Variants in WDR37 observed in about 807,000 individuals in gnomAD.
The protein encoded by WDR37 is WD repeat-containing protein 37.
A neutral mutation model predicts 62.9 loss-of-function variants in WDR37; 19 were observed. That is an observed-to-expected ratio of 0.30 (90% CI 0.21 to 0.44). The LOEUF (loss-of-function observed/expected upper bound fraction) is 0.44. Among genes scored for constraint, WDR37 ranks in the 20% least tolerant of loss-of-function variants. WDR37 has a pLI of 1.00. For synonymous variants in WDR37, 250 were observed against 260.9 expected, an observed-to-expected ratio of 0.96 and a Z score of 0.40; for missense variants, 474 against 657.6, an observed-to-expected ratio of 0.72 and a Z score of 3.05.
chr10:1,091,864 C>T (rs1834398597), intron 7 of WDR37, among the ~76,000 whole-genome samples: 1 of 152,178 alleles, frequency 6.6e-6, no homozygotes, highest in South Asian at 2.1e-4. Context: ...AGGTGAAGTG[C>T]CAGGGTCTCC....
chr10:1,089,267 C>CTG (rs1239169140), intron 7 of WDR37, among the ~76,000 whole-genome samples: 4 of 152,030 alleles, frequency 2.6e-5, no homozygotes, highest in African/African-American at 9.7e-5. Context: ...GGGATCCAGC[C>CTG]TCAGTTCCTG....
At chr10:1,078,692 A>G (rs1044661378) in intron 3 of WDR37, among the ~76,000 whole-genome samples, 10 of 152,190 alleles carry the variant, frequency 6.6e-5, no homozygotes, top group Non-Finnish European at 8.8e-5. Flanking sequence ...TAAAATTTAT[A>G]TATATAAAGA....
intron 9 of WDR37, among the ~76,000 whole-genome samples, chr10:1,100,888 C>G (rs1834773002): frequency 6.6e-6 from 1 of 152,212 alleles, no homozygotes; most frequent in African/African-American, 2.4e-5. Flanking sequence ...GGGCCTCTGC[C>G]AGCCTTGTGA....
At chr10:1,094,587 CT>C (rs1407319638) in intron 8 of WDR37, among the ~76,000 whole-genome samples, 2 of 152,166 alleles carry the variant, frequency 1.3e-5, no homozygotes, top group East Asian at 3.8e-4. Context: ...GAGTTTACAC[CT>C]TACGAAGTTG....
chr10:1,113,950 CTTTTTTTTT>C (rs56654628), intron 11 of WDR37, among the ~76,000 whole-genome samples: 5 of 76,200 alleles, frequency 6.6e-5, no homozygotes, highest in East Asian at 4.8e-4. Flanking sequence ...GGTAAAATGC[CTTTTTTTTT>C]TTTTTTTTTT....
chr10:1,061,441 T>C (rs1461285915), intron 1 of WDR37, among the ~76,000 whole-genome samples: 1 of 152,156 alleles, frequency 6.6e-6, no homozygotes, highest in Non-Finnish European at 1.5e-5. Flanking sequence ...ATCCATAACA[T>C]GACACAAGTG....
chr10:1,087,064 C>T (rs137942892), intron 7 of WDR37, among the ~76,000 whole-genome samples: 2,401 of 152,364 alleles, frequency 0.016, 27 homozygotes, highest in South Asian at 0.038. Context: ...CCTGTCTGCC[C>T]GTCCACAGGG....
rs1554821953 is a variant in WDR37 at position 1,057,313 on chromosome 10, G to GGCGCTGGAGGGCCCGGGGC, written c.-41+346_-41+347insCGCTGGAGGGCCCGGGGCG. Among the ~76,000 whole-genome samples, 3 of 146,628 alleles carry GGCGCTGGAGGGCCCGGGGC rather than the reference G, an allele frequency of 2.0e-5. No individual in the cohort carries two copies. In the East Asian group the frequency reaches 6.2e-4, roughly 30 times the overall value. ...AGATGTCGGAGTCCAGGAAGAGTCGGGGCGCTGGAGGGGTTGGGGGCAGAA... is the reference window on the plus strand; with the variant it reads ...AGATGTCGGAGTCCAGGAAGAGTCGGGCGCTGGAGGGCCCGGGGCGGCGCTGGAGGGGTTGGGGGCAGAA... On this transcript the variant is annotated intron_variant, in intron 1 of 13. Transcript: ENST00000263150.
At chr10:1,127,820 G>A (rs1373858262) in intron 13 of WDR37, among the ~76,000 whole-genome samples, 1 of 152,242 alleles carries the variant, frequency 6.6e-6, no homozygotes, top group Non-Finnish European at 1.5e-5. Flanking sequence ...ATGACGGCAT[G>A]GGGCGTCTTC....
intron 1 of WDR37, among the ~76,000 whole-genome samples, chr10:1,064,218 A>G (rs537651480): frequency 3.9e-5 from 6 of 152,366 alleles, no homozygotes; most frequent in African/African-American, 7.2e-5. Context: ...GAAGCTGTCA[A>G]TTTGAAGATA....
In WDR37 at chr10:1,078,531, G is replaced by C. The variant is rs1833942082; in HGVS notation, c.235+528G>C. 2.0e-5 allele frequency among the ~76,000 whole-genome samples: 3 copies of C among 152,120 alleles called. No individual in the cohort carries two copies. The South Asian group carries it at 6.2e-4, about 32-fold the overall frequency. ...ACATTTTCTGCATGTTTTTGCTTTT[G>C]GTTCTTTTGGTGGTTAGTCCTGTGA... is the stretch of plus-strand genomic sequence containing the variant. On this transcript the variant is annotated intron_variant, in intron 3 of 13. Coordinates refer to ENST00000263150, the MANE Select transcript of WDR37 (RefSeq NM_014023.4).
At chr10:1,111,510 C>T (rs906703935) in intron 11 of WDR37, among the ~76,000 whole-genome samples, 1 of 152,120 alleles carries the variant, frequency 6.6e-6, no homozygotes, top group Admixed American at 6.6e-5. Flanking sequence ...GAAATGGGTC[C>T]CCTGAAACGT....
At chr10:1,083,303 G>A (rs1433308930) in intron 5 of WDR37, among the ~76,000 whole-genome samples, 1 of 152,218 alleles carries the variant, frequency 6.6e-6, no homozygotes, top group African/African-American at 2.4e-5. Context: ...AGTTCTTCCT[G>A]TTACTGGTGA....
At chr10:1,065,442 A>G (rs1833505500) in intron 1 of WDR37, among the ~76,000 whole-genome samples, 1 of 152,220 alleles carries the variant, frequency 6.6e-6, no homozygotes, top group Admixed American at 6.5e-5. Flanking sequence ...GAAATTATAA[A>G]AAATGTTTAC....
intron 2 of WDR37, among the ~76,000 whole-genome samples, chr10:1,075,902 C>G (rs1833865578): frequency 6.6e-6 from 1 of 151,826 alleles, no homozygotes; most frequent in Non-Finnish European, 1.5e-5. Flanking sequence ...GCCTCAGCCT[C>G]CCAAATAGCT....
At chr10:1,094,754 G>A (rs951153315) in intron 8 of WDR37, among the ~76,000 whole-genome samples, 7 of 152,068 alleles carry the variant, frequency 4.6e-5, no homozygotes, top group African/African-American at 1.2e-4. Flanking sequence ...AGAGAGGGGA[G>A]AGTTAGACTA....
intron 1 of WDR37, among the ~76,000 whole-genome samples, chr10:1,061,857 C>T (rs1833381282): frequency 6.7e-6 from 1 of 150,216 alleles, no homozygotes; most frequent in African/African-American, 2.5e-5. Flanking sequence ...AAAAAAATTA[C>T]CTTCAGGCTA....
chr10:1,124,021 CA>C (rs1835665462), intron 11 of WDR37, 196 bp from the exon 12 acceptor site: 2 of 620,292 alleles, frequency 3.2e-6, no homozygotes, highest in South Asian at 4.2e-5. Context: ...GTTTCTGATC[CA>C]CTGGGAAGAA....
intron 8 of WDR37, among the ~76,000 whole-genome samples, chr10:1,094,227 A>G (rs1423431567): frequency 6.6e-6 from 1 of 152,228 alleles, no homozygotes; most frequent in Non-Finnish European, 1.5e-5. Context: ...CTGCTCTTGC[A>G]GCCTAAAAGC....
Sources: gnomAD v4.1 joint callset for allele counts (sites outside exome capture counted in the v4.1 genomes callset) on GRCh38, gnomAD v4.1.1 for gene constraint, MANE v1.5 for transcripts, NCBI Gene and HGNC (gene_info 2026-07-23, HGNC 2026-07-21) for gene names.